The following SLC9A3 variants were observed in gnomAD, a reference collection of about 807,000 sequenced individuals.
SLC9A3 encodes solute carrier family 9 member A3, also known as sodium/hydrogen exchanger 3.
SLC9A3 carries 37 observed loss-of-function variants against 86.8 expected under a neutral mutation model. The observed-to-expected ratio is 0.43, with a 90% CI of 0.33 to 0.56. The LOEUF (loss-of-function observed/expected upper bound fraction) is 0.56. Ranked by LOEUF, SLC9A3 falls within the 20% of genes least tolerant of loss-of-function variation. The probability of loss-of-function intolerance (pLI) is 0.06; values close to 1 mark genes in which losing one functional copy is unlikely to be tolerated. For missense variants in SLC9A3, 1,011 were observed against 1,171.9 expected, an observed-to-expected ratio of 0.86 and a Z score of 2.00; for synonymous variants, 581 against 528.3, an observed-to-expected ratio of 1.10 and a Z score of -1.37.
intron 1 of SLC9A3, among the ~76,000 whole-genome samples, chr5:493,170 C>T (rs931233788): frequency 3.3e-5 from 5 of 151,604 alleles, no homozygotes; most frequent in Non-Finnish European, 7.4e-5. Context: ...TTCAAAATAG[C>T]GGGAAGCCTG....
intron 1 of SLC9A3, among the ~76,000 whole-genome samples, chr5:518,259 G>T (rs993029331): frequency 1.3e-5 from 2 of 152,084 alleles, no homozygotes; most frequent in African/African-American, 4.8e-5. Flanking sequence ...TGAAGCTGGG[G>T]TGAGTGCATG....
rs557874732 is a variant in SLC9A3, at chr5:524,291, C to G, written c.32G>C (p.Arg11Pro). 1 of 1,306,440 alleles carries G rather than the reference C, an allele frequency of 7.7e-7. No individual in the cohort carries two copies. The highest frequency in any genetic ancestry group is 9.8e-7 in the Non-Finnish European group (1 of 1,025,422). The allele number at this position is 1,306,440 out of a possible 1,614,324, so 80.9% of individuals were successfully genotyped here. The change falls in exon 1 of 17, where the codon CGG (arginine) becomes CCG (proline). Residue 11 changes from arginine (R) to proline (P), a missense_variant. By Grantham distance (103) the Arg-to-Pro change is moderately radical (BLOSUM62 -2). This residue lies in a region of SLC9A3 where 49 missense variants were observed against 35.6 expected (regional missense o/e 1.38). Coordinates refer to ENST00000264938, the MANE Select transcript of SLC9A3 (RefSeq NM_004174.4). MWGLGARGPD[R>P]GLLLALALGG... ...CAGCGCCAGCGCCAGCAGCAGCCCC[C>G]GGTCGGGGCCCCGGGCCCCGAGTCC...
intron 1 of SLC9A3, among the ~76,000 whole-genome samples, chr5:510,748 G>A (rs886659282): frequency 6.6e-5 from 10 of 152,188 alleles, no homozygotes; most frequent in South Asian, 2.1e-4. Flanking sequence ...GGAATCCTGC[G>A]GGGGGAAGGC....
intron 1 of SLC9A3, among the ~76,000 whole-genome samples, chr5:509,881 A>C (rs956431337): frequency 6.6e-6 from 1 of 152,258 alleles, no homozygotes; most frequent in Non-Finnish European, 1.5e-5. Flanking sequence ...GCGCGAATCA[A>C]GCAAGGCAAA....
chr5:521,704 T>C (rs1733888622), intron 1 of SLC9A3, among the ~76,000 whole-genome samples: 1 of 152,110 alleles, frequency 6.6e-6, no homozygotes, highest in Non-Finnish European at 1.5e-5. Context: ...TGGGTGAAAC[T>C]GGAGAAGTTC....
chr5:489,396 C>G (rs1008640068), intron 2 of SLC9A3, among the ~76,000 whole-genome samples: 1 of 152,206 alleles, frequency 6.6e-6, no homozygotes, highest in Admixed American at 6.5e-5. Context: ...AGCCCACCAC[C>G]CCTCTGGGCT....
intron 1 of SLC9A3, among the ~76,000 whole-genome samples, chr5:501,208 C>T (rs1053561422): frequency 9.2e-5 from 14 of 152,228 alleles, no homozygotes; most frequent in South Asian, 4.1e-4. Flanking sequence ...CTCTGGGCCC[C>T]GGGGGGCTCA....
intron 1 of SLC9A3, among the ~76,000 whole-genome samples, chr5:506,078 G>T (rs1740565537): frequency 6.6e-6 from 1 of 152,072 alleles, no homozygotes; most frequent in Admixed American, 6.5e-5. Flanking sequence ...ATTCTTTTGT[G>T]CAGGTAGACG....
chr5:477,430 C>T lies in SLC9A3; in HGVS notation c.1662G>A (p.Gly554=). The change falls in exon 11 of 17, where the codon GGG becomes GGA. Residue 554 remains glycine, a synonymous_variant. Coordinates refer to ENST00000264938, the MANE Select transcript of SLC9A3 (RefSeq NM_004174.4). ...TGGGGGAGCGGATGAAGGCCAGGGA[C>T]CCGCGGCGCTCTCCCTGTGGTCAGG... ...ISYVAEGERR[G]SLAFIRSPST... 1 of 1,612,088 alleles carries T rather than the reference C, an allele frequency of 6.2e-7. No individual in the cohort carries two copies. Among genetic ancestry groups the T allele is most frequent in the Non-Finnish European group, 8.5e-7 (1 of 1,179,396 alleles).
chr5:494,734 A>AT (rs1739941964), intron 1 of SLC9A3, among the ~76,000 whole-genome samples: 1 of 152,034 alleles, frequency 6.6e-6, no homozygotes, highest in Non-Finnish European at 1.5e-5. Flanking sequence ...CGCCTCTCAC[A>AT]TCTGTCCTTG....
At chr5:518,370 C>T (rs1733792847) in intron 1 of SLC9A3, among the ~76,000 whole-genome samples, 1 of 151,852 alleles carries the variant, frequency 6.6e-6, no homozygotes. Context: ...AGATATGGCA[C>T]TTCGCGACCG....
rs1739716892 is a variant in SLC9A3, at chr5:491,138, GC to G, written c.514+630del. ...CCGGAGGCCTGCGCTCAGCCGTGGG[GC>G]CCAGCTGGTCAAAGCTAGGCTCTGC... On this transcript the variant is annotated intron_variant, in intron 2 of 16. Coordinates refer to ENST00000264938, the MANE Select transcript of SLC9A3 (RefSeq NM_004174.4). This position sits in a 1 kb window ranked among gnomAD's most constrained non-coding sequence, Gnocchi z 9.2. Among the ~76,000 whole-genome samples the G allele has an allele frequency of 6.6e-6, 1 of 152,148 alleles. No individual in the cohort carries two copies. Among genetic ancestry groups the G allele is most frequent in the Non-Finnish European group, 1.5e-5 (1 of 68,030 alleles).
Position 476,509 on chromosome 5 carries a change from C to A in SLC9A3, c.1890+34G>T, listed in dbSNP as rs552968573. 2.5e-6 allele frequency: 4 copies of A among 1,606,664 alleles called. No individual in the cohort carries two copies. In the South Asian group the frequency reaches 4.4e-5, roughly 18 times the overall value. On this transcript the variant is annotated intron_variant, in intron 12 of 16. Transcript: ENST00000264938. Reference sequence around the variant, plus strand: ...AGGAAGCCGCCCCACGGGGTCCCTGCGGGGTCCTCCAGCCCCCAGCCCGCA... The same window carrying A: ...AGGAAGCCGCCCCACGGGGTCCCTGAGGGGTCCTCCAGCCCCCAGCCCGCA...
At chr5:507,515 G>T (rs62330271) in intron 1 of SLC9A3, among the ~76,000 whole-genome samples, 130,623 of 151,498 alleles carry the variant, frequency 0.86, 56,540 homozygotes, top group African/African-American at 0.88. Flanking sequence ...TCCTCCAGCC[G>T]CGGCTTCCCA....
At chr5:474,132 CG>C (rs1738563022) in intron 16 of SLC9A3, among the ~76,000 whole-genome samples, 1 of 139,606 alleles carries the variant, frequency 7.2e-6, no homozygotes, top group Admixed American at 7.0e-5. Context: ...GGAGAGAGAG[CG>C]AGCGCGCGAG....
intron 1 of SLC9A3, among the ~76,000 whole-genome samples, chr5:503,269 C>T (rs1352126280): frequency 6.6e-6 from 1 of 152,202 alleles, no homozygotes; most frequent in Non-Finnish European, 1.5e-5. Context: ...GGGGCAAAAT[C>T]AATAGCTTGT....
At chr5:480,745 C>T (rs1739112405) in intron 9 of SLC9A3, 1 of 152,284 alleles carries the variant, frequency 6.6e-6, no homozygotes, top group South Asian at 2.1e-4. Flanking sequence ...CACGTGGCCA[C>T]ACCTCCCGGT....
At position 481,647 on chromosome 5, in the gene SLC9A3, A is replaced by C; in HGVS notation, c.1447-12T>G. On this transcript the variant is annotated splice_polypyrimidine_tract_variant and intron_variant, in intron 8 of 16. Transcript: ENST00000264938. ...ATGTGGTCGAAAGCCTTTCAAGGGA[A>C]GAAAGACATGAGCGTCTCGGGGCGG... 6.2e-7 allele frequency: 1 copy of C among 1,612,442 alleles called. No homozygotes were observed. The highest frequency in any genetic ancestry group is 8.5e-7 in the Non-Finnish European group (1 of 1,178,512).
Position 501,870 on chromosome 5 carries a change from G to A in SLC9A3, c.212-9799C>T, listed in dbSNP as rs533461695. 2.4e-3 allele frequency among the ~76,000 whole-genome samples: 362 copies of A among 152,250 alleles called. 3 individuals carry two copies. Among genetic ancestry groups the A allele is most frequent in the African/African-American group, 8.4e-3 (349 of 41,554 alleles). ...TCCCTGCCTGCGGGTGCAGTTCCCC[G>A]TGAGTACTCAGGTTGGCGTGGGACA... On this transcript the variant is annotated intron_variant, in intron 1 of 16. Transcript: ENST00000264938.
Sources: allele counts gnomAD v4.1 joint callset (sites outside exome capture counted in the v4.1 genomes callset), GRCh38; gene constraint gnomAD v4.1.1; regional missense constraint gnomAD v4.1.1; non-coding constraint Gnocchi (gnomAD v3.1); transcripts MANE v1.5; gene names NCBI Gene and HGNC (gene_info 2026-07-23, HGNC 2026-07-21).